DLGAP1: variants seen among roughly 807,000 people sequenced by gnomAD.
DLGAP1 encodes the protein DLG associated protein 1.
A neutral mutation model predicts 90.8 loss-of-function variants in DLGAP1; 11 were observed. The ratio of observed to expected loss-of-function variants is 0.12; its 90% CI spans 0.08 to 0.20. The LOEUF is 0.20. Ranked by LOEUF, DLGAP1 falls within the 10% of genes least tolerant of loss-of-function variation. The probability of loss-of-function intolerance (pLI) is 1.00; values close to 1 mark genes in which losing one functional copy is unlikely to be tolerated. For missense variants in DLGAP1, 1,050 were observed against 1,333.8 expected (o/e 0.79, Z 3.31); for synonymous variants, 558 against 540.7 (o/e 1.03, Z -0.44).
Position 3,589,584 on chromosome 18 carries a change from T to C in DLGAP1, c.1592-7336A>G, listed in dbSNP as rs568164472. Among the ~76,000 whole-genome samples, 90 of 152,210 alleles carry C rather than the reference T, an allele frequency of 5.9e-4. 1 individual carries two copies. The highest frequency in any genetic ancestry group is 2.1e-3 in the African/African-American group (87 of 41,554). ...ACTTATATATAAATTAAATTATATA[T>C]AGATATATATGCAGATGTCCCAGAG... On this transcript the variant is annotated intron_variant, in intron 7 of 12. Coordinates refer to ENST00000315677, the MANE Select transcript of DLGAP1 (RefSeq NM_004746.4).
At chr18:4,345,439 C>G (rs140508844) in intron 1 of DLGAP1, among the ~76,000 whole-genome samples, 102 of 152,284 alleles carry the variant, frequency 6.7e-4, no homozygotes, top group African/African-American at 2.1e-3. Flanking sequence ...GGGAACCCCA[C>G]AGTTAGGGAA....
chr18:3,808,463 G>A (rs1439746396), intron 5 of DLGAP1, among the ~76,000 whole-genome samples: 1 of 152,160 alleles, frequency 6.6e-6, no homozygotes, highest in Non-Finnish European at 1.5e-5. Flanking sequence ...ACAATTTCGT[G>A]TGGCAGGTTG....
intron 7 of DLGAP1, among the ~76,000 whole-genome samples, chr18:3,706,278 G>T (rs1161561606): frequency 6.6e-6 from 1 of 152,156 alleles, no homozygotes; most frequent in African/African-American, 2.4e-5. Context: ...GATTACAGGC[G>T]TGAGCCACCA....
chr18:4,321,113 C>A (rs1250333904), intron 1 of DLGAP1, among the ~76,000 whole-genome samples: 1 of 152,170 alleles, frequency 6.6e-6, no homozygotes, highest in African/African-American at 2.4e-5. Flanking sequence ...CAGTCTCCTG[C>A]AGATAACAAA....
intron 3 of DLGAP1, among the ~76,000 whole-genome samples, chr18:3,906,883 C>T (rs977821269): frequency 1.3e-5 from 2 of 152,106 alleles, no homozygotes; most frequent in African/African-American, 2.4e-5. Context: ...CCTTTAAAAA[C>T]GACAACCACC....
In DLGAP1 at chr18:3,776,613, C is replaced by T. The variant is rs149120366; in HGVS notation, c.1173-34101G>A. Among the ~76,000 whole-genome samples, 153 of 152,228 alleles carry T rather than the reference C, an allele frequency of 1.0e-3. 1 individual carries two copies. The highest frequency in any genetic ancestry group is 3.6e-3 in the African/African-American group (149 of 41,542). The stretch of plus-strand genomic sequence containing the variant: ...AAGTGAAGATGCTTTTTCTCCTCAC[C>T]CCCTGCCTTCCCTGCGCCAGTGCCA... On this transcript the variant is annotated intron_variant, in intron 5 of 12. Transcript: ENST00000315677.
intron 4 of DLGAP1, among the ~76,000 whole-genome samples, chr18:3,867,051 A>G (rs1379250390): frequency 2.0e-5 from 3 of 152,042 alleles, no homozygotes; most frequent in South Asian, 4.2e-4. Flanking sequence ...ACGGGGTTTC[A>G]CTATGTTGGC....
rs1315459624 is a variant in DLGAP1 at position 3,880,100 on chromosome 18, AC to A, written c.-33del. 1.3e-6 allele frequency: 2 copies of A among 1,590,432 alleles called. No individual in the cohort carries two copies. Among genetic ancestry groups the A allele is most frequent in the Middle Eastern group, 2.2e-4 (1 of 4,448 alleles). On this transcript the variant is annotated 5_prime_UTR_variant, in exon 4 of 13. Coordinates refer to ENST00000315677, the MANE Select transcript of DLGAP1 (RefSeq NM_004746.4). ...CCGGAAGCAGCCGCCAGGGTCATGG[AC>A]ACCCGGAAGTCAGGCTCCAGACCCG...
chr18:3,913,470 CCT>C (rs1346987113), intron 3 of DLGAP1, among the ~76,000 whole-genome samples: 2 of 152,084 alleles, frequency 1.3e-5, no homozygotes, highest in African/African-American at 4.8e-5. Context: ...TTAAACATAG[CCT>C]CTGTTTATCA....
At chr18:4,425,066 G>C (rs1253327041) in intron 1 of DLGAP1, among the ~76,000 whole-genome samples, 1 of 101,926 alleles carries the variant, frequency 9.8e-6, no homozygotes, top group Non-Finnish European at 1.8e-5. Context: ...TGGTGGGGCG[G>C]GGGGCGGGGC....
chr18:4,119,650 C>T (rs1451591967), intron 2 of DLGAP1, among the ~76,000 whole-genome samples: 1 of 152,156 alleles, frequency 6.6e-6, no homozygotes. Flanking sequence ...GGGCTCCAGA[C>T]TTCCAACTCT....
intron 4 of DLGAP1, among the ~76,000 whole-genome samples, chr18:3,823,949 C>CAA (rs60286806): frequency 0.11 from 4,094 of 36,616 alleles, 889 homozygotes; most frequent in Non-Finnish European, 0.14. Context: ...GACTCCCTCT[C>CAA]AAAAAAAAAA....
intron 6 of DLGAP1, among the ~76,000 whole-genome samples, chr18:3,738,330 C>A (rs2062747401): frequency 6.8e-6 from 1 of 147,220 alleles, no homozygotes; most frequent in Non-Finnish European, 1.5e-5. Context: ...AATCCTAAGC[C>A]AAAAGAACAA....
rs531001902 is a variant in DLGAP1 at position 3,725,525 on chromosome 18, T to C, written c.1591+3610A>G. Among the ~76,000 whole-genome samples, 12 of 151,200 alleles carry C rather than the reference T, an allele frequency of 7.9e-5. No individual in the cohort carries two copies. The South Asian group carries it at 2.5e-3, about 31-fold the overall frequency. On this transcript the variant is annotated intron_variant, in intron 7 of 12. Transcript: ENST00000315677. ...TTTTTCAGTCATGATATTAACTGAA[T>C]CATGTTTGCATTCTACTTTCCTACC...
rs376922074 is a variant in DLGAP1 at position 4,144,065 on chromosome 18, T to C, written c.-159+7115A>G. Among the ~76,000 whole-genome samples the C allele has an allele frequency of 3.2e-4, 48 of 152,256 alleles. No individual in the cohort carries two copies. In the East Asian group the frequency reaches 7.9e-3, roughly 25 times the overall value. On this transcript the variant is annotated intron_variant, in intron 2 of 12. Coordinates refer to ENST00000315677, the MANE Select transcript of DLGAP1 (RefSeq NM_004746.4). ...CTCTTAGGGTGTGAGCTGTGTTGCCTGGTACTGGGGGAGGGGTGGCATAAG... is the reference window on the plus strand; with the variant it reads ...CTCTTAGGGTGTGAGCTGTGTTGCCCGGTACTGGGGGAGGGGTGGCATAAG...
At chr18:4,025,059 C>T (rs958457266) in intron 2 of DLGAP1, among the ~76,000 whole-genome samples, 6 of 152,150 alleles carry the variant, frequency 3.9e-5, no homozygotes, top group African/African-American at 1.4e-4. Flanking sequence ...ACTTCTTGTG[C>T]ACTTATAAAG....
At chr18:4,408,340 C>A (rs2082708064) in intron 1 of DLGAP1, among the ~76,000 whole-genome samples, 1 of 152,012 alleles carries the variant, frequency 6.6e-6, no homozygotes, top group Non-Finnish European at 1.5e-5. Flanking sequence ...AAGCACAGAA[C>A]TAAAATAGTA....
At chr18:3,845,599 A>T in intron 4 of DLGAP1, 3 of 985,432 alleles carry the variant, frequency 3.0e-6, no homozygotes, top group Non-Finnish European at 3.6e-6. Context: ...GCAAAATCAT[A>T]TTGCTATCTT....
At chr18:4,230,077 T>C (rs374546591) in intron 1 of DLGAP1, among the ~76,000 whole-genome samples, 1 of 151,984 alleles carries the variant, frequency 6.6e-6, no homozygotes, top group Non-Finnish European at 1.5e-5. Context: ...AAATTAAAAC[T>C]ACAATGCTAT....
Sources: gnomAD v4.1 joint callset for allele counts (sites outside exome capture counted in the v4.1 genomes callset) on GRCh38, gnomAD v4.1.1 for gene constraint, MANE v1.5 for transcripts, NCBI Gene and HGNC (gene_info 2026-07-23, HGNC 2026-07-21) for gene names.